Variants in OR13A1 observed in about 807,000 individuals in gnomAD.
OR13A1 encodes olfactory receptor 13A1.
A neutral mutation model predicts 7.5 loss-of-function variants in OR13A1; 10 were observed. The observed-to-expected ratio is 1.34, with a 90% CI of 0.83 to 2.27. OR13A1 has a LOEUF of 2.27. Among genes scored for constraint, OR13A1 ranks in the 30% most tolerant of loss-of-function variants. OR13A1 has a pLI of 0.00. For missense variants in OR13A1, 509 were observed against 419.1 expected (o/e 1.21, Z -1.87); for synonymous variants, 238 against 177.9 (o/e 1.34, Z -2.69).
rs1838285730 is a variant in OR13A1 at position 45,304,363 on chromosome 10, C to T, written c.60G>A (p.Met20Ile). ...CGGTTACCAACGTCTGGTTACTCATCATCCTTGGGCTGGGACGGGTTTCTG... is the reference window on the plus strand; with the variant it reads ...CGGTTACCAACGTCTGGTTACTCATTATCCTTGGGCTGGGACGGGTTTCTG... Reference protein sequence around the residue: ...IVPETRPSPRMMSNQTLVTEF... With the variant: ...IVPETRPSPRIMSNQTLVTEF... The change falls in exon 4 of 4, where the codon ATG becomes ATA. Residue 20 changes from methionine to isoleucine, a missense_variant. By Grantham distance (10) the Met-to-Ile change is conservative. Coordinates refer to ENST00000553795, the MANE Select transcript of OR13A1 (RefSeq NM_001004297.3). 6.2e-7 allele frequency: 1 copy of T among 1,614,106 alleles called. No homozygotes were observed. The highest frequency in any genetic ancestry group is 8.5e-7 in the Non-Finnish European group (1 of 1,180,008).
chr10:45,310,237 T>C (rs984955), intron 1 of OR13A1, among the ~76,000 whole-genome samples: 71,160 of 152,038 alleles, frequency 0.47, 16,930 homozygotes, highest in East Asian at 0.57. Flanking sequence ...CCTAAATATA[T>C]AGTGGCTTCA....
At chr10:45,313,422 G>A (rs374802034) in intron 1 of OR13A1, among the ~76,000 whole-genome samples, 12 of 152,006 alleles carry the variant, frequency 7.9e-5, no homozygotes, top group African/African-American at 2.4e-4. Flanking sequence ...GGCAAGTGTA[G>A]GTCCTTCCCT....
At chr10:45,313,221 G>A (rs1490350061) in intron 1 of OR13A1, among the ~76,000 whole-genome samples, 1 of 151,882 alleles carries the variant, frequency 6.6e-6, no homozygotes, top group East Asian at 1.9e-4. Flanking sequence ...GTTTAAAATA[G>A]CTTGTTAACA....
intron 1 of OR13A1, among the ~76,000 whole-genome samples, chr10:45,310,413 C>A (rs941560886): frequency 6.6e-6 from 1 of 152,160 alleles, no homozygotes; most frequent in Non-Finnish European, 1.5e-5. Context: ...TAAAAGTTGC[C>A]ATAACCTCTA....
rs778231597 is a variant in OR13A1 at position 45,304,207 on chromosome 10, C to T, written c.216G>A (p.Gly72=). Residue 72 remains glycine (G), a synonymous_variant, in exon 4 of 4, where the codon GGG becomes GGA. Transcript: ENST00000553795. ...LITLAITFNP[G]LHAPMYFFLL... Reference sequence around the variant, plus strand: ...AGAAAAAGTACATAGGAGCGTGGAGCCCAGGGTTGAACGTGATGGCCAAGG... The same window carrying T: ...AGAAAAAGTACATAGGAGCGTGGAGTCCAGGGTTGAACGTGATGGCCAAGG... 1.2e-6 allele frequency: 2 copies of T among 1,614,004 alleles called. No individual in the cohort carries two copies. The highest frequency in any genetic ancestry group is 1.3e-5 in the African/African-American group (1 of 74,904).
At position 45,312,087 on chromosome 10, in the gene OR13A1, A is replaced by C. The variant is rs375124940; in HGVS notation, c.-225+3437T>G. Among the ~76,000 whole-genome samples the C allele has an allele frequency of 1.5e-4, 23 of 152,266 alleles. No homozygotes were observed. In the East Asian group the frequency reaches 3.5e-3, roughly 23 times the overall value. On this transcript the variant is annotated intron_variant, in intron 1 of 3. Transcript: ENST00000553795. ...ATGAAATAGAAGTGGAAAAATAAACATAAGAACTGTAAGTGAGCTGTAAGA... is the reference window on the plus strand; with the variant it reads ...ATGAAATAGAAGTGGAAAAATAAACCTAAGAACTGTAAGTGAGCTGTAAGA...
At position 45,303,205 on chromosome 10, in the gene OR13A1, A is replaced by T; in HGVS notation, c.*231T>A. On this transcript the variant is annotated 3_prime_UTR_variant, in exon 4 of 4. Transcript: ENST00000553795. ...GTGTTTCTCTGCCAACTCAGCACTG[A>T]CACCACCTTGGAGTCAGACCAAGAG... The T allele has an allele frequency of 1.9e-6, 1 of 515,120 alleles. No individual in the cohort carries two copies. Among genetic ancestry groups the T allele is most frequent in the African/African-American group, 1.9e-5 (1 of 52,216 alleles). 31.9% of individuals were successfully genotyped at this position (515,120 alleles called of 1,614,324 possible). A position where few individuals can be genotyped will look rare whatever the true frequency, so the allele number is the denominator to read the frequency against.
In OR13A1 at chr10:45,303,876, G is replaced by A. The variant is rs1564532733; in HGVS notation, c.547C>T (p.Arg183Cys). The change falls in exon 4 of 4, where the codon CGC (arginine) becomes TGC (cysteine). Residue 183 changes from arginine (R) to cysteine (C), a missense_variant. Coordinates refer to ENST00000553795, the MANE Select transcript of OR13A1 (RefSeq NM_001004297.3). ...NTAIHTGLMLRLDFCGPNVII... is the reference protein window; with the variant it reads ...NTAIHTGLMLCLDFCGPNVII... ...ACATTGGGGCCACAGAAATCCAAGC[G>A]CAGCATCAGCCCCGTGTGGATGGCC... The A allele has an allele frequency of 4.3e-6, 7 of 1,613,050 alleles. No individual in the cohort carries two copies. The highest frequency in any genetic ancestry group is 5.1e-6 in the Non-Finnish European group (6 of 1,180,042).
Position 45,304,299 on chromosome 10 carries a change from G to C in OR13A1, c.124C>G (p.Arg42Gly), listed in dbSNP as rs754279785. ...AGGAAACAGCTGAATAAGAACACCC[G>C]GTATTCTGGGTGCTCCGAAAAGCCC... ...LQGFSEHPEY[R>G]VFLFSCFLFL... Residue 42 changes from arginine to glycine, a missense_variant, in exon 4 of 4, where the codon CGG becomes GGG. Transcript: ENST00000553795. 2 of 1,613,996 alleles carry C rather than the reference G, an allele frequency of 1.2e-6. No individual in the cohort carries two copies. The highest frequency in any genetic ancestry group is 1.3e-5 in the African/African-American group (1 of 74,880).
intron 1 of OR13A1, among the ~76,000 whole-genome samples, chr10:45,314,996 A>C (rs1156402369): frequency 6.6e-6 from 1 of 152,210 alleles, no homozygotes; most frequent in Non-Finnish European, 1.5e-5. Flanking sequence ...TGTTTCTCAA[A>C]GTCATTTACA....
chr10:45,303,718 G>C lies in OR13A1; in HGVS notation c.705C>G (p.Ser235=). 6.2e-7 allele frequency: 1 copy of C among 1,614,208 alleles called. No homozygotes were observed. The highest frequency in any genetic ancestry group is 2.2e-5 in the East Asian group (1 of 44,890). The part of the protein sequence containing the change: ...GIVNFLMTIA[S]YGFIVSSILK... ...GGATGCTGGAGACGATGAAGCCATA[G>C]GACGCGATGGTCATCAGGAAGTTCA... Residue 235 remains serine (S), a synonymous_variant, in exon 4 of 4, where the codon TCC becomes TCG. Coordinates refer to ENST00000553795, the MANE Select transcript of OR13A1 (RefSeq NM_001004297.3).
In OR13A1 at chr10:45,304,087, G is replaced by T. The variant is rs773995966; in HGVS notation, c.336C>A (p.Tyr112Ter). 18 of 1,613,866 alleles carry T rather than the reference G, an allele frequency of 1.1e-5. No homozygotes were observed. Among genetic ancestry groups the T allele is most frequent in the Middle Eastern group, 1.6e-4 (1 of 6,082 alleles). ...AATAGAGCTGGGCCATGCAGCCCCC[G>T]TAGGAGATGGAGCTCTCTTCCGACA... ...SLVSEESSIS[Y>*]GGCMAQLYFL... is the part of the protein sequence containing the mutation. The change falls in exon 4 of 4, where the codon TAC (tyrosine) becomes TAA (stop). Residue 112 changes from tyrosine (Y) to a stop codon, truncating the protein, a stop_gained. Coordinates refer to ENST00000553795, the MANE Select transcript of OR13A1 (RefSeq NM_001004297.3). LOFTEE classifies it high-confidence loss of function.
chr10:45,304,572 G>A (rs1838289985), intron 3 of OR13A1, 138 bp from the exon 4 acceptor site: 9 of 686,050 alleles, frequency 1.3e-5, no homozygotes, highest in Non-Finnish European at 2.2e-5. Context: ...GTAGAAAAAA[G>A]GCGTGAACAC....
intron 1 of OR13A1, among the ~76,000 whole-genome samples, chr10:45,312,492 C>T (rs1399742592): frequency 6.6e-6 from 1 of 151,376 alleles, no homozygotes; most frequent in Non-Finnish European, 1.5e-5. Context: ...TTTACACTCA[C>T]TAAAAATACC....
chr10:45,306,656 G>A (rs186260077), intron 3 of OR13A1, among the ~76,000 whole-genome samples: 1 of 152,170 alleles, frequency 6.6e-6, no homozygotes, highest in Non-Finnish European at 1.5e-5. Context: ...TCCAGCTCAG[G>A]TCATATCACC....
chr10:45,304,603 A>G (rs1252394287), intron 3 of OR13A1, 169 bp from the exon 4 acceptor site: 14 of 595,190 alleles, frequency 2.4e-5, no homozygotes, highest in Non-Finnish European at 3.8e-5. Flanking sequence ...AAAAATAAAT[A>G]CAGTTGGCCA....
chr10:45,304,204 GA>G lies in OR13A1; in HGVS notation c.218del (p.Leu73ProfsTer81). The G allele has an allele frequency of 6.2e-7, 1 of 1,614,182 alleles. No homozygotes were observed. The highest frequency in any genetic ancestry group is 1.1e-5 in the South Asian group (1 of 91,076). On this transcript the variant is annotated frameshift_variant, in exon 4 of 4. Coordinates refer to ENST00000553795, the MANE Select transcript of OR13A1 (RefSeq NM_001004297.3). LOFTEE classifies it high-confidence loss of function. The part of the protein sequence containing the change: ...ITLAITFNPG[L>X]HAPMYFFLLN... ...GTAAGAAAAAGTACATAGGAGCGTG[GA>G]GCCCAGGGTTGAACGTGATGGCCAA...
rs2133031587 is a variant in OR13A1 at position 45,302,717 on chromosome 10, GT to G, written c.*718del. ...TAGACACAGAGGATTCGTTCACCCAGTTTTATCTGAAACAATGGAAGGATAG... is the reference window on the plus strand; with the variant it reads ...TAGACACAGAGGATTCGTTCACCCAGTTTATCTGAAACAATGGAAGGATAG... On this transcript the variant is annotated 3_prime_UTR_variant, in exon 4 of 4. Coordinates refer to ENST00000553795, the MANE Select transcript of OR13A1 (RefSeq NM_001004297.3). The G allele has an allele frequency of 6.6e-6, 1 of 152,254 alleles. No homozygotes were observed. The highest frequency in any genetic ancestry group is 1.9e-4 in the East Asian group (1 of 5,180). 9.4% of individuals were successfully genotyped at this position (152,254 alleles called of 1,614,324 possible).
At chr10:45,307,146 G>A (rs1838348315) in intron 3 of OR13A1, among the ~76,000 whole-genome samples, 1 of 152,162 alleles carries the variant, frequency 6.6e-6, no homozygotes, top group Admixed American at 6.5e-5. Flanking sequence ...AAACGCACCA[G>A]AGTCAGCACA....
Sources: gnomAD v4.1 joint callset for allele counts (sites outside exome capture counted in the v4.1 genomes callset) on GRCh38, gnomAD v4.1.1 for gene constraint, MANE v1.5 for transcripts, NCBI Gene and HGNC (gene_info 2026-07-23, HGNC 2026-07-21) for gene names.